Variants in PRKD1 observed in about 807,000 individuals in gnomAD.
PRKD1 encodes serine/threonine-protein kinase D1.
Under a neutral mutation model 95.9 loss-of-function variants are expected in PRKD1, and 63 were observed. The ratio of observed to expected loss-of-function variants is 0.66; its 90% CI spans 0.54 to 0.81. The LOEUF is 0.81. Ranked by LOEUF, PRKD1 falls within the 30% of genes least tolerant of loss-of-function variation. The probability of loss-of-function intolerance (pLI) is 0.00; values close to 1 mark genes in which losing one functional copy is unlikely to be tolerated. For synonymous variants in PRKD1, 425 were observed against 423.1 expected (o/e 1.00, Z -0.05); for missense variants, 1,048 against 1,165.3 (o/e 0.90, Z 1.47).
chr14:29,831,253 G>T (rs917972299), intron 1 of PRKD1, among the ~76,000 whole-genome samples: 1 of 151,958 alleles, frequency 6.6e-6, no homozygotes, highest in Non-Finnish European at 1.5e-5. Flanking sequence ...TACAAAATAG[G>T]CCTAAAGCTA....
intron 13 of PRKD1, among the ~76,000 whole-genome samples, chr14:29,604,132 T>C (rs1893622715): frequency 6.6e-6 from 1 of 152,198 alleles, no homozygotes. Context: ...TAATTCTAAT[T>C]TTTTTGTTTT....
intron 16 of PRKD1, among the ~76,000 whole-genome samples, chr14:29,595,367 T>C (rs1232914832): frequency 3.9e-5 from 6 of 152,160 alleles, no homozygotes; most frequent in Admixed American, 3.9e-4. Context: ...CCCCTGAACT[T>C]GGAGGCCCTG....
Position 29,638,743 on chromosome 14 carries a change from G to C in PRKD1, c.858C>G (p.Tyr286Ter). The stretch of plus-strand genomic sequence containing the variant: ...AAAGCCCCTTCAGAAGCTTCTTGCA[G>C]TACTGGCACACTGTGGGCCGGGTGT... ...HSYTRPTVCQ[Y>*]CKKLLKGLFR... The change falls in exon 5 of 18, where the codon TAC becomes TAG. Residue 286 changes from tyrosine to a stop codon, truncating the protein, a stop_gained. Coordinates refer to ENST00000331968, the MANE Select transcript of PRKD1 (RefSeq NM_002742.3). LOFTEE classifies it high-confidence loss of function. 1 of 1,614,142 alleles carries C rather than the reference G, an allele frequency of 6.2e-7. No individual in the cohort carries two copies. Among genetic ancestry groups the C allele is most frequent in the Non-Finnish European group, 8.5e-7 (1 of 1,180,022 alleles).
At chr14:29,835,292 T>C (rs1465832510) in intron 1 of PRKD1, among the ~76,000 whole-genome samples, 1 of 152,210 alleles carries the variant, frequency 6.6e-6, no homozygotes, top group African/African-American at 2.4e-5. Flanking sequence ...CTCACATCTC[T>C]TTCCTTCTTT....
intron 1 of PRKD1, among the ~76,000 whole-genome samples, chr14:29,895,517 C>G (rs1213126147): frequency 6.6e-6 from 1 of 152,098 alleles, no homozygotes; most frequent in East Asian, 1.9e-4. Flanking sequence ...CTTTACAAAC[C>G]TGAATCAGGT....
At chr14:29,919,642 C>A (rs995274538) in intron 1 of PRKD1, among the ~76,000 whole-genome samples, 2 of 152,108 alleles carry the variant, frequency 1.3e-5, no homozygotes, top group African/African-American at 4.8e-5. Flanking sequence ...TCACCATTTT[C>A]TTTGTATCTA....
chr14:29,703,447 A>C (rs1884935367), intron 2 of PRKD1, among the ~76,000 whole-genome samples: 1 of 152,126 alleles, frequency 6.6e-6, no homozygotes, highest in Admixed American at 6.6e-5. Flanking sequence ...TATTGCTCTT[A>C]ACTCAAATGA....
intron 1 of PRKD1, among the ~76,000 whole-genome samples, chr14:29,895,471 G>T (rs565708499): frequency 6.6e-6 from 1 of 151,788 alleles, no homozygotes; most frequent in Admixed American, 6.6e-5. Context: ...CACTCTCACC[G>T]CCACTCTAGT....
At chr14:29,876,256 T>C (rs565575513) in intron 1 of PRKD1, among the ~76,000 whole-genome samples, 24 of 152,306 alleles carry the variant, frequency 1.6e-4, no homozygotes, top group African/African-American at 4.8e-4. Flanking sequence ...TATCTCACTA[T>C]ATGTGGTTCC....
chr14:29,913,153 C>A (rs918531248), intron 1 of PRKD1, among the ~76,000 whole-genome samples: 1 of 152,162 alleles, frequency 6.6e-6, no homozygotes, highest in Non-Finnish European at 1.5e-5. Flanking sequence ...AAGTGGATAA[C>A]ATTCTAACCT....
chr14:29,773,825 G>A (rs1888616875), intron 1 of PRKD1, among the ~76,000 whole-genome samples: 1 of 152,194 alleles, frequency 6.6e-6, no homozygotes, highest in Non-Finnish European at 1.5e-5. Flanking sequence ...CAGTTCCAAA[G>A]TTACTACTTC....
At chr14:29,713,217 A>G (rs1885418784) in intron 2 of PRKD1, among the ~76,000 whole-genome samples, 1 of 152,256 alleles carries the variant, frequency 6.6e-6, no homozygotes, top group South Asian at 2.1e-4. Flanking sequence ...TTCCAATATG[A>G]CCTCTTAGTA....
At chr14:29,651,084 C>A (rs1881465041) in intron 4 of PRKD1, among the ~76,000 whole-genome samples, 2 of 152,192 alleles carry the variant, frequency 1.3e-5, no homozygotes, top group African/African-American at 2.4e-5. Context: ...CTGTGTGTGT[C>A]TGTGTGTACA....
At chr14:29,645,513 T>C (rs1881068965) in intron 4 of PRKD1, among the ~76,000 whole-genome samples, 1 of 152,126 alleles carries the variant, frequency 6.6e-6, no homozygotes, top group Non-Finnish European at 1.5e-5. Context: ...GATCTAGCAT[T>C]TTGGACTATC....
At chr14:29,860,820 C>T (rs1892683954) in intron 1 of PRKD1, among the ~76,000 whole-genome samples, 1 of 152,080 alleles carries the variant, frequency 6.6e-6, no homozygotes, top group Non-Finnish European at 1.5e-5. Context: ...AATGACATTC[C>T]TAAGGGCACT....
intron 2 of PRKD1, among the ~76,000 whole-genome samples, chr14:29,723,560 A>G (rs1368336070): frequency 2.0e-5 from 3 of 152,138 alleles, no homozygotes; most frequent in Admixed American, 6.6e-5. Flanking sequence ...AAACATAAAC[A>G]TTTATTGAGC....
At chr14:29,644,774 A>G (rs187392749) in intron 4 of PRKD1, among the ~76,000 whole-genome samples, 135 of 152,124 alleles carry the variant, frequency 8.9e-4, no homozygotes, top group African/African-American at 3.1e-3. Context: ...TACCTCATGT[A>G]TAAATAAACT....
intron 1 of PRKD1, among the ~76,000 whole-genome samples, chr14:29,881,287 G>A (rs529424134): frequency 5.9e-5 from 9 of 152,130 alleles, no homozygotes; most frequent in Non-Finnish European, 1.2e-4. Context: ...AGATCTGATG[G>A]GTTTATCAGG....
At chr14:29,682,530 C>T (rs1327185965) in intron 2 of PRKD1, among the ~76,000 whole-genome samples, 1 of 152,124 alleles carries the variant, frequency 6.6e-6, no homozygotes, top group Non-Finnish European at 1.5e-5. Flanking sequence ...ATCAATATCC[C>T]TTCCTTGCTT....
Sources: gnomAD v4.1 joint callset for allele counts (sites outside exome capture counted in the v4.1 genomes callset) on GRCh38, gnomAD v4.1.1 for gene constraint, MANE v1.5 for transcripts, NCBI Gene and HGNC (gene_info 2026-07-23, HGNC 2026-07-21) for gene names.